Variants in PIK3C2G observed in about 807,000 individuals in gnomAD.
PIK3C2G encodes the protein phosphatidylinositol 3-kinase C2 domain-containing subunit gamma.
A neutral mutation model predicts 181.1 loss-of-function variants in PIK3C2G; 168 were observed. That is an observed-to-expected ratio of 0.93 (90% confidence interval 0.82 to 1.05). The LOEUF is 1.05. Among genes scored for constraint, PIK3C2G ranks in the 50% least tolerant of loss-of-function variants. The pLI is 0.00. For missense variants in PIK3C2G, 1,869 were observed against 1,732.8 expected (o/e 1.08, Z -1.40); for synonymous variants, 573 against 592.2 (o/e 0.97, Z 0.47).
At chr12:18,550,695 G>C (rs2136288863) in intron 26 of PIK3C2G, among the ~76,000 whole-genome samples, 1 of 152,074 alleles carries the variant, frequency 6.6e-6, no homozygotes, top group Non-Finnish European at 1.5e-5. Flanking sequence ...TAGGCTAAAA[G>C]TATTTTATGC....
chr12:18,275,099 G>C (rs7135202), intron 1 of PIK3C2G, among the ~76,000 whole-genome samples: 9,069 of 152,268 alleles, frequency 0.06, 403 homozygotes, highest in Non-Finnish European at 0.093. Context: ...GGTCATGACA[G>C]TTTGAGAAGC....
At chr12:18,526,300 T>C (rs1943231392) in intron 24 of PIK3C2G, among the ~76,000 whole-genome samples, 2 of 152,222 alleles carry the variant, frequency 1.3e-5, no homozygotes, top group Admixed American at 1.3e-4. Flanking sequence ...GTGATTCTCA[T>C]TGGTCTGTTA....
chr12:18,432,042 C>T (rs1049009490), intron 18 of PIK3C2G, among the ~76,000 whole-genome samples: 2 of 152,164 alleles, frequency 1.3e-5, no homozygotes, highest in African/African-American at 2.4e-5. Flanking sequence ...AATACAGGAA[C>T]AGTTGTTTTT....
intron 30 of PIK3C2G, among the ~76,000 whole-genome samples, chr12:18,602,125 G>A (rs777780091): frequency 2.0e-5 from 3 of 152,076 alleles, no homozygotes; most frequent in Non-Finnish European, 4.4e-5. Flanking sequence ...CAGCTGGGAG[G>A]TGGAAAGCTT....
At chr12:18,253,540 A>C (rs1172162261) in intron 1 of PIK3C2G, among the ~76,000 whole-genome samples, 3 of 152,212 alleles carry the variant, frequency 2.0e-5, no homozygotes, top group African/African-American at 7.2e-5. Context: ...AGATTTGTTT[A>C]GATAAAGACC....
At chr12:18,382,635 G>T (rs1018169264) in intron 14 of PIK3C2G, among the ~76,000 whole-genome samples, 9 of 152,140 alleles carry the variant, frequency 5.9e-5, no homozygotes, top group Non-Finnish European at 1.3e-4. Context: ...GCTTTGTGGT[G>T]GGGGCTGCTC....
chr12:18,620,569 G>GATA (rs374383541), intron 31 of PIK3C2G, among the ~76,000 whole-genome samples: 260 of 144,650 alleles, frequency 1.8e-3, no homozygotes, highest in Middle Eastern at 0.01. Context: ...TAGATAGATA[G>GATA]GTAACCATAC....
At chr12:18,616,623 A>T (rs1765067905) in intron 31 of PIK3C2G, among the ~76,000 whole-genome samples, 2 of 152,054 alleles carry the variant, frequency 1.3e-5, no homozygotes, top group Admixed American at 6.6e-5. Flanking sequence ...TCGCCACATG[A>T]CTAAAATTTC....
At chr12:18,399,403 A>G (rs2138121601) in intron 15 of PIK3C2G, among the ~76,000 whole-genome samples, 1 of 151,742 alleles carries the variant, frequency 6.6e-6, no homozygotes, top group East Asian at 1.9e-4. Flanking sequence ...CACGAATAAG[A>G]GTGAACAAAA....
chr12:18,414,564 T>C (rs11044088), intron 16 of PIK3C2G, among the ~76,000 whole-genome samples: 32,203 of 152,088 alleles, frequency 0.21, 3,628 homozygotes, highest in Admixed American at 0.33. Context: ...AGTTATATCA[T>C]ATTTAATTTA....
At chr12:18,623,649 TATTA>T (rs1450399605) in intron 31 of PIK3C2G, among the ~76,000 whole-genome samples, 2 of 151,802 alleles carry the variant, frequency 1.3e-5, no homozygotes, top group Non-Finnish European at 3.0e-5. Flanking sequence ...ATTTTAAGAA[TATTA>T]ATTATTCCAA....
chr12:18,331,957 T>A lies in PIK3C2G; in HGVS notation c.1273-6469T>A, dbSNP rs192051582. On this transcript the variant is annotated intron_variant, in intron 8 of 32. Coordinates refer to ENST00000538779, the MANE Select transcript of PIK3C2G (RefSeq NM_001288772.2). Reference sequence around the variant, plus strand: ...TTTCTCTTTTATTCTTTTCAAATTTTAAAAATCTTTTTATTACTGGTATAA... The same window carrying A: ...TTTCTCTTTTATTCTTTTCAAATTTAAAAAATCTTTTTATTACTGGTATAA... Among the ~76,000 whole-genome samples the A allele has an allele frequency of 2.3e-3, 345 of 152,280 alleles. 2 individuals carry two copies. Among genetic ancestry groups the A allele is most frequent in the African/African-American group, 7.9e-3 (330 of 41,576 alleles).
intron 15 of PIK3C2G, among the ~76,000 whole-genome samples, chr12:18,392,096 C>A (rs1215165230): frequency 2.6e-5 from 4 of 151,956 alleles, no homozygotes; most frequent in Non-Finnish European, 4.4e-5. Flanking sequence ...ACAGTTTAGG[C>A]AAGAGGCCAT....
At chr12:18,386,950 A>G (rs1421724311) in intron 14 of PIK3C2G, among the ~76,000 whole-genome samples, 1 of 152,118 alleles carries the variant, frequency 6.6e-6, no homozygotes, top group Non-Finnish European at 1.5e-5. Flanking sequence ...CAAGCTTCAG[A>G]CAAATATAGC....
chr12:18,552,330 T>C (rs1944777761), intron 26 of PIK3C2G, among the ~76,000 whole-genome samples: 1 of 152,172 alleles, frequency 6.6e-6, no homozygotes, highest in South Asian at 2.1e-4. Flanking sequence ...TTATATCTTT[T>C]TTCTCTTCAA....
intron 30 of PIK3C2G, among the ~76,000 whole-genome samples, chr12:18,598,440 A>G (rs977063547): frequency 3.7e-4 from 56 of 151,840 alleles, no homozygotes; most frequent in African/African-American, 1.2e-3. Context: ...AAAACTGGCT[A>G]GCCATATGTA....
At chr12:18,520,002 TAAAAAAAAAAAA>T (rs889312316) in intron 24 of PIK3C2G, among the ~76,000 whole-genome samples, 2 of 46,286 alleles carry the variant, frequency 4.3e-5, no homozygotes, top group South Asian at 7.2e-4. Flanking sequence ...CAATAAATAC[TAAAAAAAAAAAA>T]AAAAAAAAAA....
chr12:18,509,852 C>G (rs146172248), intron 24 of PIK3C2G, among the ~76,000 whole-genome samples: 61 of 152,298 alleles, frequency 4.0e-4, no homozygotes, highest in African/African-American at 1.3e-3. Flanking sequence ...CAAAGAACAA[C>G]TGAGGTATTA....
At chr12:18,636,286 A>G (rs632069) in intron 31 of PIK3C2G, among the ~76,000 whole-genome samples, 56,018 of 152,022 alleles carry the variant, frequency 0.37, 12,125 homozygotes, top group Admixed American at 0.52. Context: ...AGGCTGGAGT[A>G]CAATGGCACG....
Sources: allele counts gnomAD v4.1 joint callset (sites outside exome capture counted in the v4.1 genomes callset), GRCh38; gene constraint gnomAD v4.1.1; transcripts MANE v1.5; gene names NCBI Gene and HGNC (gene_info 2026-07-23, HGNC 2026-07-21).